AKAP1: variants seen among roughly 807,000 people sequenced by gnomAD.
AKAP1 encodes A-kinase anchor protein 1, mitochondrial.
Under a neutral mutation model 79.8 loss-of-function variants are expected in AKAP1, and 32 were observed. That is an observed-to-expected ratio of 0.40 (90% CI 0.30 to 0.54). The LOEUF (loss-of-function observed/expected upper bound fraction) is 0.54, where lower values mean the gene tolerates loss of function less well. AKAP1 is among the 20% of genes least tolerant of loss of function. The probability of loss-of-function intolerance (pLI) is 0.47; values close to 1 mark genes in which losing one functional copy is unlikely to be tolerated. For missense variants in AKAP1, 961 were observed against 1,138.9 expected (o/e 0.84, Z 2.25); for synonymous variants, 416 against 466.7 (o/e 0.89, Z 1.40).
rs760976223 is a variant in AKAP1, at chr17:57,118,959, T to G, written c.2575-23T>G. Reference sequence around the variant, plus strand: ...GGGGACACAAAACCTAACCATATTATTCTTTCCACCCCCCTTCTTCAGGTG... The same window carrying G: ...GGGGACACAAAACCTAACCATATTAGTCTTTCCACCCCCCTTCTTCAGGTG... On this transcript the variant is annotated intron_variant, in intron 9 of 10. Transcript: ENST00000337714. The G allele has an allele frequency of 2.5e-5, 41 of 1,612,078 alleles. No homozygotes were observed. The South Asian group carries it at 4.5e-4, about 18-fold the overall frequency.
intron 1 of AKAP1, chr17:57,094,338 T>C (rs918207931): frequency 4.6e-5 from 7 of 152,406 alleles, no homozygotes; most frequent in African/African-American, 1.7e-4. Flanking sequence ...TTTCCTTGTC[T>C]TGGGGGAGCC....
Position 57,111,859 on chromosome 17 carries a change from C to G in AKAP1, c.1910C>G (p.Ser637Cys). ...TATGTGAGTTTTCTGAAGCAAACAT[C>G]TGGTGCCAAGATCTACATTTCAACC... ...GRYVSFLKQT[S>C]GAKIYISTLP... Residue 637 changes from serine (S) to cysteine (C), a missense_variant, in exon 4 of 11, where the codon TCT becomes TGT. Transcript: ENST00000337714. 3 of 1,614,050 alleles carry G rather than the reference C, an allele frequency of 1.9e-6. No homozygotes were observed. Among genetic ancestry groups the G allele is most frequent in the Non-Finnish European group, 2.5e-6 (3 of 1,180,016 alleles).
intron 2 of AKAP1, chr17:57,108,034 A>C (rs1051935244): frequency 6.5e-6 from 8 of 1,239,954 alleles, no homozygotes; most frequent in Non-Finnish European, 7.3e-6. Context: ...GACAGTTCAG[A>C]CCGCTAACTT....
At chr17:57,107,833 A>G in intron 2 of AKAP1, 1 of 541,950 alleles carries the variant, frequency 1.8e-6, no homozygotes, top group East Asian at 7.1e-5. Flanking sequence ...AAGCTCTTAC[A>G]GGGTAAGTGC....
At chr17:57,110,539 A>G (rs1915177175) in intron 3 of AKAP1, among the ~76,000 whole-genome samples, 1 of 152,230 alleles carries the variant, frequency 6.6e-6, no homozygotes, top group South Asian at 2.1e-4. Context: ...AGTGTATTTT[A>G]TAATTGAGCA....
Position 57,086,346 on chromosome 17 carries a change from C to T in AKAP1, c.-25+948C>T, listed in dbSNP as rs1315519597. ...GGCGTTCAACTCTTTTGTGCCCTAGCTGAAGGTCTTCCTGTTTCCCTTCCA... is the reference window on the plus strand; with the variant it reads ...GGCGTTCAACTCTTTTGTGCCCTAGTTGAAGGTCTTCCTGTTTCCCTTCCA... On this transcript the variant is annotated intron_variant, in intron 1 of 10. Transcript: ENST00000337714. This position sits in a 1 kb window ranked among gnomAD's most constrained non-coding sequence, Gnocchi z 5.1. 2 of 445,040 alleles carry T rather than the reference C, an allele frequency of 4.5e-6. No individual in the cohort carries two copies. The highest frequency in any genetic ancestry group is 1.6e-5 in the South Asian group (1 of 63,386). 27.6% of individuals were successfully genotyped at this position (445,040 alleles called of 1,614,324 possible).
intron 4 of AKAP1, among the ~76,000 whole-genome samples, chr17:57,112,159 C>G (rs748847972): frequency 6.6e-6 from 1 of 152,028 alleles, no homozygotes; most frequent in Non-Finnish European, 1.5e-5. Flanking sequence ...CTTGGTTGGG[C>G]GGGGCCTGGG....
chr17:57,105,956 G>A lies in AKAP1; in HGVS notation c.492G>A (p.Val164=), dbSNP rs72843434. The change falls in exon 2 of 11, where the codon GTG becomes GTA. Residue 164 remains valine (V), a synonymous_variant. Transcript: ENST00000337714. Reference sequence around the variant, plus strand: ...TATTCTCCAGCAAATCAGCTGAGGTGTGTAAGCAAGATTCCCCCTTCAGCA... The same window carrying A: ...TATTCTCCAGCAAATCAGCTGAGGTATGTAAGCAAGATTCCCCCTTCAGCA... ...GVLFSSKSAE[V]CKQDSPFSRV... The A allele has an allele frequency of 4.2e-3, 6,785 of 1,614,216 alleles. 34 individuals are homozygous for A. The highest frequency in any genetic ancestry group is 9.0e-3 in the South Asian group (824 of 91,090).
chr17:57,098,672 T>C (rs1404561427), intron 1 of AKAP1: 3 of 130,388 alleles, frequency 2.3e-5, no homozygotes, highest in African/African-American at 9.0e-5. Flanking sequence ...ACCACGTAAA[T>C]TGGGCAAAAT....
chr17:57,091,073 C>G lies in AKAP1; in HGVS notation c.-25+5675C>G, dbSNP rs79511916. On this transcript the variant is annotated intron_variant, in intron 1 of 10. Coordinates refer to ENST00000337714, the MANE Select transcript of AKAP1 (RefSeq NM_003488.4). Reference sequence around the variant, plus strand: ...TTGTGAGGTTGGGTCGATGACAGATCTGAAGGACAGTTCAGTCTTCTGTAC... The same window carrying G: ...TTGTGAGGTTGGGTCGATGACAGATGTGAAGGACAGTTCAGTCTTCTGTAC... Among the ~76,000 whole-genome samples the G allele has an allele frequency of 6.4e-3, 973 of 152,336 alleles. 12 individuals are homozygous for G. Among genetic ancestry groups the G allele is most frequent in the African/African-American group, 0.022 (929 of 41,568 alleles).
At chr17:57,108,146 G>T in intron 2 of AKAP1, 7 of 632,994 alleles carry the variant, frequency 1.1e-5, no homozygotes, top group Non-Finnish European at 1.5e-5. Context: ...TCTCTGACTT[G>T]TTTGTCCTGG....
At chr17:57,099,299 T>A (rs1414871974) in intron 1 of AKAP1, among the ~76,000 whole-genome samples, 1 of 152,228 alleles carries the variant, frequency 6.6e-6, no homozygotes. Context: ...TGTTCTCAAG[T>A]GCTGGTGGAG....
chr17:57,112,420 G>A (rs1915304051), intron 4 of AKAP1, 71 bp from the exon 5 acceptor site: 1 of 1,561,852 alleles, frequency 6.4e-7, no homozygotes, highest in African/African-American at 1.4e-5. Context: ...GTCTGTGGCT[G>A]TGTTTTTGTG....
At chr17:57,112,056 G>A in intron 4 of AKAP1, 132 bp downstream of exon 4, 1 of 1,211,564 alleles carries the variant, frequency 8.3e-7, no homozygotes, top group Non-Finnish European at 1.1e-6. Context: ...GGAGCATTAG[G>A]TATCTTCCCT....
rs2214288 is a variant in AKAP1, at chr17:57,116,572, C to T, written c.2433-288C>T. Among the ~76,000 whole-genome samples the T allele has an allele frequency of 6.0e-3, 917 of 152,144 alleles. 6 individuals carry two copies. Among genetic ancestry groups the T allele is most frequent in the Middle Eastern group, 0.017 (5 of 294 alleles). On this transcript the variant is annotated intron_variant, in intron 7 of 10. Transcript: ENST00000337714. ...TGAGTGCAGGAGTTCAAGACCAGAC[C>T]GGGCAGTATAGCGAGACCTCATCTC...
At chr17:57,103,241 T>C (rs2144700062) in intron 1 of AKAP1, among the ~76,000 whole-genome samples, 1 of 152,376 alleles carries the variant, frequency 6.6e-6, no homozygotes, top group South Asian at 2.1e-4. Flanking sequence ...AGAAAGTTTA[T>C]CTTTAAAGAT....
intron 6 of AKAP1, among the ~76,000 whole-genome samples, chr17:57,115,225 C>T (rs1010314348): frequency 2.0e-5 from 3 of 152,200 alleles, no homozygotes; most frequent in African/African-American, 7.2e-5. Context: ...GTCAGAACAT[C>T]ACCCATTCCT....
chr17:57,109,375 G>C (rs1915095166), intron 2 of AKAP1, among the ~76,000 whole-genome samples: 1 of 152,216 alleles, frequency 6.6e-6, no homozygotes, highest in Non-Finnish European at 1.5e-5. Flanking sequence ...GAGTATTTGA[G>C]CCAGAAGAGT....
At chr17:57,111,099 A>G (rs1915216489) in intron 3 of AKAP1, among the ~76,000 whole-genome samples, 1 of 152,130 alleles carries the variant, frequency 6.6e-6, no homozygotes, top group Non-Finnish European at 1.5e-5. Flanking sequence ...TACAAAGGGC[A>G]TGAAGAGAAA....
Sources: allele counts gnomAD v4.1 joint callset (sites outside exome capture counted in the v4.1 genomes callset), GRCh38; gene constraint gnomAD v4.1.1; non-coding constraint Gnocchi (gnomAD v3.1); transcripts MANE v1.5; gene names NCBI Gene and HGNC (gene_info 2026-07-23, HGNC 2026-07-21).